The following WRN variants were observed in gnomAD, a reference collection of about 807,000 sequenced individuals.
The protein encoded by WRN is bifunctional 3'-5' exonuclease/ATP-dependent helicase WRN.
A neutral mutation model predicts 180.7 loss-of-function variants in WRN; 149 were observed. The ratio of observed to expected loss-of-function variants is 0.82; its 90% CI spans 0.72 to 0.94. The LOEUF (loss-of-function observed/expected upper bound fraction) is 0.94, where lower values mean the gene tolerates loss of function less well. Among genes scored for constraint, WRN ranks in the 40% least tolerant of loss-of-function variants. The pLI is 0.00. For missense variants in WRN, 1,661 were observed against 1,700.1 expected, an observed-to-expected ratio of 0.98 and a Z score of 0.40; for synonymous variants, 548 against 568.9, an observed-to-expected ratio of 0.96 and a Z score of 0.52.
intron 18 of WRN, among the ~76,000 whole-genome samples, chr8:31,104,151 GTTT>G (rs1800994555): frequency 6.6e-6 from 1 of 152,192 alleles, no homozygotes; most frequent in Non-Finnish European, 1.5e-5. Flanking sequence ...TCACAAACCT[GTTT>G]TCCAAAGTGG....
intron 24 of WRN, among the ~76,000 whole-genome samples, chr8:31,139,999 CTTTGTTTTT>C (rs1802548915): frequency 1.3e-5 from 1 of 74,700 alleles, no homozygotes; most frequent in Non-Finnish European, 2.6e-5. Context: ...TTGTATACTT[CTTTGTTTTT>C]TTTTTTTTTT....
intron 34 of WRN, among the ~76,000 whole-genome samples, chr8:31,169,224 C>G (rs1346700600): frequency 6.6e-6 from 1 of 151,038 alleles, no homozygotes; most frequent in East Asian, 1.9e-4. Flanking sequence ...TTCCTTTTCA[C>G]CTTCTATTTC....
intron 24 of WRN, among the ~76,000 whole-genome samples, chr8:31,138,593 A>G (rs1802489302): frequency 6.6e-6 from 1 of 152,116 alleles, no homozygotes; most frequent in African/African-American, 2.4e-5. Flanking sequence ...ACTCAAATCA[A>G]CCCTAAGTCA....
chr8:31,148,519 A>G (rs1802956647), intron 30 of WRN, among the ~76,000 whole-genome samples: 1 of 152,118 alleles, frequency 6.6e-6, no homozygotes, highest in East Asian at 1.9e-4. Flanking sequence ...TGGATTGTTT[A>G]TCACTTGTTG....
chr8:31,122,879 T>TTTTTTTTTTTTTTG (rs1801778677), intron 21 of WRN, among the ~76,000 whole-genome samples: 1 of 142,100 alleles, frequency 7.0e-6, no homozygotes, highest in Non-Finnish European at 1.5e-5. Context: ...TTTTTTTTTT[T>TTTTTTTTTTTTTTG]TTTTTTCTAT....
intron 33 of WRN, among the ~76,000 whole-genome samples, chr8:31,165,503 G>C (rs536447171): frequency 6.6e-6 from 1 of 151,846 alleles, no homozygotes; most frequent in South Asian, 2.1e-4. Context: ...AATTTAATTA[G>C]TCTACTATAT....
At chr8:31,154,514 C>T (rs1363922523) in intron 31 of WRN, 110 bp from the exon 32 acceptor site, 25 of 1,287,306 alleles carry the variant, frequency 1.9e-5, no homozygotes, top group Non-Finnish European at 2.2e-5. Flanking sequence ...TTATTTGTTG[C>T]TTATGGGTTT....
intron 21 of WRN, 21 bp downstream of exon 21, chr8:31,120,445 T>C (rs1801682958): frequency 6.2e-7 from 1 of 1,603,438 alleles, no homozygotes; most frequent in Non-Finnish European, 8.5e-7. Context: ...TTTATTGTTT[T>C]TACTCTTGCA....
At chr8:31,079,182 G>A (rs1053966134) in intron 8 of WRN, among the ~76,000 whole-genome samples, 1 of 152,160 alleles carries the variant, frequency 6.6e-6, no homozygotes, top group African/African-American at 2.4e-5. Context: ...TTGTGTTAAT[G>A]TAGACTTTGT....
intron 1 of WRN, among the ~76,000 whole-genome samples, 187 bp downstream of exon 1, chr8:31,034,160 C>G (rs1270934885): frequency 2.6e-5 from 4 of 152,188 alleles, no homozygotes. Flanking sequence ...AAAGGCGTCT[C>G]TCGGAGCTTC....
At chr8:31,100,591 T>C (rs1320448921) in intron 17 of WRN, among the ~76,000 whole-genome samples, 1 of 152,242 alleles carries the variant, frequency 6.6e-6, no homozygotes, top group African/African-American at 2.4e-5. Flanking sequence ...TGATGAAAGC[T>C]GAGATCCAAT....
chr8:31,152,816 G>A (rs943687469), intron 31 of WRN, among the ~76,000 whole-genome samples: 2 of 152,056 alleles, frequency 1.3e-5, no homozygotes, highest in African/African-American at 4.8e-5. Context: ...AGGCAGGCAG[G>A]TTACCTGAGG....
chr8:31,148,273 A>G (rs1802946947), intron 30 of WRN, among the ~76,000 whole-genome samples: 1 of 152,020 alleles, frequency 6.6e-6, no homozygotes, highest in African/African-American at 2.4e-5. Context: ...TCTTAATGAC[A>G]CCACGTTAAT....
intron 8 of WRN, among the ~76,000 whole-genome samples, chr8:31,079,694 T>C (rs137941051): frequency 4.9e-4 from 75 of 152,350 alleles, no homozygotes; most frequent in African/African-American, 1.8e-3. Flanking sequence ...TCACTTGTTA[T>C]ATTTGCCTAC....
intron 2 of WRN, among the ~76,000 whole-genome samples, 168 bp downstream of exon 2, chr8:31,058,711 A>C (rs1187950606): frequency 6.6e-6 from 1 of 152,190 alleles, no homozygotes; most frequent in Non-Finnish European, 1.5e-5. Context: ...AATAAACTTT[A>C]ATTGGGTTTA....
chr8:31,063,468 T>C (rs1217618003), intron 3 of WRN, among the ~76,000 whole-genome samples: 1 of 152,252 alleles, frequency 6.6e-6, no homozygotes, highest in Non-Finnish European at 1.5e-5. Flanking sequence ...TTTCATTTAT[T>C]TGTGACAAAA....
intron 7 of WRN, among the ~76,000 whole-genome samples, chr8:31,075,289 T>C (rs1210523306): frequency 6.6e-6 from 1 of 152,184 alleles, no homozygotes; most frequent in East Asian, 1.9e-4. Context: ...AGAGAAATGA[T>C]GATGAATAAA....
intron 17 of WRN, among the ~76,000 whole-genome samples, chr8:31,100,263 AG>A (rs1449312077): frequency 6.6e-6 from 1 of 152,166 alleles, no homozygotes; most frequent in Non-Finnish European, 1.5e-5. Flanking sequence ...AGGCTACTAC[AG>A]GAAGAAAGAA....
At position 31,149,455 on chromosome 8, in the gene WRN, G is replaced by GTTTT. The variant is rs71208105; in HGVS notation, c.3573-853_3573-850dup. 2.1e-4 allele frequency among the ~76,000 whole-genome samples: 11 copies of GTTTT among 51,972 alleles called. 2 individuals are homozygous for GTTTT. The highest frequency in any genetic ancestry group is 8.5e-4 in the African/African-American group (11 of 13,002). The allele number at this position is 51,972 out of a possible 152,430, so 34.1% of individuals were successfully genotyped here. A position where few individuals can be genotyped will look rare whatever the true frequency, so the allele number is the denominator to read the frequency against. On this transcript the variant is annotated intron_variant, in intron 30 of 34. Coordinates refer to ENST00000298139, the MANE Select transcript of WRN (RefSeq NM_000553.6). ...TCTAAGACCATACTTTAATAGAGGT[G>GTTTT]TTTTTTTTTTTTTTTTTTTTTTTTT...
Sources: allele counts gnomAD v4.1 joint callset (sites outside exome capture counted in the v4.1 genomes callset), GRCh38; gene constraint gnomAD v4.1.1; transcripts MANE v1.5; gene names NCBI Gene and HGNC (gene_info 2026-07-23, HGNC 2026-07-21).